The following EPB41L4B variants were observed in gnomAD, a reference collection of about 807,000 sequenced individuals.
EPB41L4B encodes the protein band 4.1-like protein 4B.
In EPB41L4B, 30 loss-of-function variants were observed where a neutral mutation model predicts 112.5. The observed-to-expected ratio is 0.27, with a 90% CI of 0.20 to 0.36. The LOEUF is 0.36. Ranked by LOEUF, EPB41L4B falls within the 10% of genes least tolerant of loss-of-function variation. The pLI is 1.00. For missense variants in EPB41L4B, 1,024 were observed against 1,133.3 expected, an observed-to-expected ratio of 0.90 and a Z score of 1.38; for synonymous variants, 408 against 439.7, an observed-to-expected ratio of 0.93 and a Z score of 0.90.
chr9:109,182,024 C>T (rs1832078677), intron 24 of EPB41L4B, among the ~76,000 whole-genome samples: 1 of 152,122 alleles, frequency 6.6e-6, no homozygotes, highest in African/African-American at 2.4e-5. Flanking sequence ...GCCTGGCGAA[C>T]GTAATGAAAC....
chr9:109,230,998 A>G (rs963502782), intron 15 of EPB41L4B, among the ~76,000 whole-genome samples: 4 of 152,118 alleles, frequency 2.6e-5, no homozygotes, highest in African/African-American at 9.7e-5. Flanking sequence ...CAACACTACT[A>G]AAAATACAAA....
At chr9:109,240,420 T>TAATAATAAA in intron 15 of EPB41L4B, 1 of 985,422 alleles carries the variant, frequency 1.0e-6, no homozygotes, top group Non-Finnish European at 1.2e-6. Flanking sequence ...AGTAATAAAA[T>TAATAATAAA]ATCTCAAAGG....
At chr9:109,220,153 T>C (rs918614862) in intron 15 of EPB41L4B, among the ~76,000 whole-genome samples, 1 of 152,246 alleles carries the variant, frequency 6.6e-6, no homozygotes, top group African/African-American at 2.4e-5. Flanking sequence ...ACCCACATGC[T>C]TGAAATCAGA....
intron 15 of EPB41L4B, among the ~76,000 whole-genome samples, chr9:109,227,124 C>T (rs796727895): frequency 6.6e-6 from 1 of 152,168 alleles, no homozygotes; most frequent in Non-Finnish European, 1.5e-5. Context: ...AGGCATGAGC[C>T]TCTGTGCCTG....
intron 3 of EPB41L4B, among the ~76,000 whole-genome samples, chr9:109,267,979 C>G (rs556941274): frequency 6.6e-6 from 1 of 152,266 alleles, no homozygotes; most frequent in Non-Finnish European, 1.5e-5. Flanking sequence ...CAAGCATAAA[C>G]AACATTAAAA....
rs17553773 is a variant in EPB41L4B, at chr9:109,210,928, T to C, written c.1752+2772A>G. 1.0e-2 allele frequency among the ~76,000 whole-genome samples: 1,521 copies of C among 152,364 alleles called. 44 individuals are homozygous for C. Among genetic ancestry groups the C allele is most frequent in the Admixed American group, 0.058 (884 of 15,306 alleles). ...GACATGAATGACAATTAGGCTTTGA[T>C]ATTATTATAGTTGGAAATAGTCCGT... On this transcript the variant is annotated intron_variant, in intron 17 of 25. Coordinates refer to ENST00000374566, the MANE Select transcript of EPB41L4B (RefSeq NM_019114.5).
At chr9:109,298,736 C>T (rs557328720) in intron 1 of EPB41L4B, among the ~76,000 whole-genome samples, 2 of 152,278 alleles carry the variant, frequency 1.3e-5, no homozygotes, top group South Asian at 4.2e-4. Context: ...ACCTAGGTAA[C>T]GTCTCGTCAT....
intron 22 of EPB41L4B, among the ~76,000 whole-genome samples, chr9:109,191,766 G>A (rs1340741693): frequency 6.6e-6 from 1 of 151,908 alleles, no homozygotes; most frequent in Non-Finnish European, 1.5e-5. Flanking sequence ...CCCTTTACTT[G>A]TTCCCTGAAA....
chr9:109,291,988 C>T (rs943931071), intron 1 of EPB41L4B, among the ~76,000 whole-genome samples: 1 of 152,204 alleles, frequency 6.6e-6, no homozygotes, highest in Non-Finnish European at 1.5e-5. Context: ...ATTTAGATCT[C>T]TGCAGAGATT....
At chr9:109,318,150 CGTGT>C (rs3983533) in intron 1 of EPB41L4B, among the ~76,000 whole-genome samples, 8,618 of 149,198 alleles carry the variant, frequency 0.058, 320 homozygotes, top group Admixed American at 0.13. Flanking sequence ...GGGGCATATA[CGTGT>C]GTGTGTGTGT....
intron 16 of EPB41L4B, among the ~76,000 whole-genome samples, chr9:109,215,483 T>C (rs1220017282): frequency 6.6e-6 from 1 of 152,054 alleles, no homozygotes; most frequent in African/African-American, 2.4e-5. Context: ...TTTCACCACG[T>C]TGGCCAGGTT....
At position 109,216,243 on chromosome 9, in the gene EPB41L4B, G is replaced by A. The variant is rs547623137; in HGVS notation, c.1633+679C>T. ...GTGGAGGCGGGGCACTGTGGCTCAC[G>A]CCTGTAATCCCAGCACTTTGGGATT... On this transcript the variant is annotated intron_variant, in intron 16 of 25. Coordinates refer to ENST00000374566, the MANE Select transcript of EPB41L4B (RefSeq NM_019114.5). Among the ~76,000 whole-genome samples the A allele has an allele frequency of 2.0e-5, 3 of 152,172 alleles. No individual in the cohort carries two copies. The Middle Eastern group carries it at 0.01, about 528-fold the overall frequency.
chr9:109,278,287 G>A (rs1365120005), intron 2 of EPB41L4B, among the ~76,000 whole-genome samples: 2 of 152,128 alleles, frequency 1.3e-5, no homozygotes, highest in Non-Finnish European at 2.9e-5. Flanking sequence ...GTGGGGTGGG[G>A]TGGCATAACA....
At chr9:109,273,185 GA>G (rs1835690710) in intron 2 of EPB41L4B, among the ~76,000 whole-genome samples, 2 of 151,960 alleles carry the variant, frequency 1.3e-5, no homozygotes, top group African/African-American at 4.8e-5. Flanking sequence ...ACGTGGGCAG[GA>G]AAACACTCGG....
At chr9:109,240,316 G>C in intron 15 of EPB41L4B, 1 of 985,424 alleles carries the variant, frequency 1.0e-6, no homozygotes, top group Non-Finnish European at 1.2e-6. Flanking sequence ...GCCTTAGGGA[G>C]AGTTTATAGG....
In EPB41L4B at chr9:109,173,264, C is replaced by G. The variant is rs1373068421; in HGVS notation, c.*1290G>C. On this transcript the variant is annotated 3_prime_UTR_variant, in exon 26 of 26. Coordinates refer to ENST00000374566, the MANE Select transcript of EPB41L4B (RefSeq NM_019114.5). Reference sequence around the variant, plus strand: ...GGGTGGGGAGGCTAAACTAGATGACCTTTAAGGTCCTTCCAACCCAAAGAT... The same window carrying G: ...GGGTGGGGAGGCTAAACTAGATGACGTTTAAGGTCCTTCCAACCCAAAGAT... 6.6e-6 allele frequency: 1 copy of G among 152,608 alleles called. No individual in the cohort carries two copies. The highest frequency in any genetic ancestry group is 2.4e-5 in the African/African-American group (1 of 41,432). The allele number at this position is 152,608 out of a possible 1,614,324, so 9.5% of individuals were successfully genotyped here.
intron 11 of EPB41L4B, among the ~76,000 whole-genome samples, chr9:109,255,302 G>A (rs542514323): frequency 1.3e-5 from 2 of 152,212 alleles, no homozygotes; most frequent in South Asian, 4.1e-4. Flanking sequence ...CTAAATGTCA[G>A]TTATTAACAA....
chr9:109,284,406 T>G (rs935904283), intron 1 of EPB41L4B, among the ~76,000 whole-genome samples: 9 of 152,152 alleles, frequency 5.9e-5, no homozygotes, highest in African/African-American at 1.9e-4. Flanking sequence ...GCGGATGGCT[T>G]TGTTCCCAAG....
intron 15 of EPB41L4B, among the ~76,000 whole-genome samples, chr9:109,225,177 C>G (rs1588149205): frequency 6.6e-6 from 1 of 152,346 alleles, no homozygotes; most frequent in East Asian, 1.9e-4. Flanking sequence ...GTACTAAGCA[C>G]ATAGCAGGTG....
Sources: gnomAD v4.1 joint callset for allele counts (sites outside exome capture counted in the v4.1 genomes callset) on GRCh38, gnomAD v4.1.1 for gene constraint, MANE v1.5 for transcripts, NCBI Gene and HGNC (gene_info 2026-07-23, HGNC 2026-07-21) for gene names.